The following MYH6 variants were observed in gnomAD, a reference collection of about 807,000 sequenced individuals.
MYH6 encodes myosin-6.
A neutral mutation model predicts 223.2 loss-of-function variants in MYH6; 126 were observed. The ratio of observed to expected loss-of-function variants is 0.56; its 90% CI spans 0.49 to 0.65. The LOEUF (loss-of-function observed/expected upper bound fraction) is 0.65. Ranked by LOEUF, MYH6 falls within the 30% of genes least tolerant of loss-of-function variation. MYH6 has a pLI of 0.00. For missense variants in MYH6, 2,040 were observed against 2,536.4 expected, an observed-to-expected ratio of 0.80 and a Z score of 4.20; for synonymous variants, 978 against 1,010.2, an observed-to-expected ratio of 0.97 and a Z score of 0.61.
chr14:23,388,875 C>T lies in MYH6; in HGVS notation c.4159G>A (p.Glu1387Lys), dbSNP rs1303860344. 1.2e-6 allele frequency: 2 copies of T among 1,613,814 alleles called. No individual in the cohort carries two copies. Among genetic ancestry groups the T allele is most frequent in the South Asian group, 1.1e-5 (1 of 91,056 alleles). Reference sequence around the variant, plus strand: ...GGAGCTCACTTGGCCTCTTCGAGCTCCTCAGTCCGCTGAATGGCGTCCGTC... The same window carrying T: ...GGAGCTCACTTGGCCTCTTCGAGCTTCTCAGTCCGCTGAATGGCGTCCGTC... ...YETDAIQRTE[E>K]LEEAKKKLAQ... The change falls in exon 29 of 39, where the codon GAG (glutamate) becomes AAG (lysine). Residue 1387 changes from glutamate (E) to lysine (K), a missense_variant. By Grantham distance (56) the Glu-to-Lys change is moderately conservative. This residue lies in a region of MYH6 where 1,203 missense variants were observed against 1,400.2 expected (regional missense o/e 0.86). Coordinates refer to ENST00000405093, the MANE Select transcript of MYH6 (RefSeq NM_002471.4).
At chr14:23,404,170 C>T in intron 8 of MYH6, 126 bp downstream of exon 8, 1 of 1,192,494 alleles carries the variant, frequency 8.4e-7, no homozygotes, top group African/African-American at 1.5e-5. Context: ...GCTCTCTTCC[C>T]ACCAACGTGT....
chr14:23,394,524 G>C (rs111487600), intron 20 of MYH6, among the ~76,000 whole-genome samples: 1,554 of 152,200 alleles, frequency 0.01, 24 homozygotes, highest in African/African-American at 0.036. Flanking sequence ...CTCCCAGCTG[G>C]GATATTAGTG....
intron 32 of MYH6, 135 bp downstream of exon 32, chr14:23,387,394 A>C: frequency 7.2e-7 from 1 of 1,398,328 alleles, no homozygotes; most frequent in Non-Finnish European, 9.9e-7. Context: ...GGTAGTGAAT[A>C]GTGGGTAGAT....
Position 23,389,044 on chromosome 14 carries a change from G to A in MYH6, c.3990C>T (p.Ala1330=), listed in dbSNP as rs377302327. 2 of 1,589,518 alleles carry A rather than the reference G, an allele frequency of 1.3e-6. No homozygotes were observed. Among genetic ancestry groups the A allele is most frequent in the African/African-American group, 3.0e-5 (2 of 66,940 alleles). Reference sequence around the variant, plus strand: ...GGGCCGACTGCAGTGCATGGGCCAGGGCGTTCTTCGCCTGGGGAGGGGGGG... The same window carrying A: ...GGGCCGACTGCAGTGCATGGGCCAGAGCGTTCTTCGCCTGGGGAGGGGGGG... ...QLEEEGKAKN[A]LAHALQSARH... The change falls in exon 29 of 39, where the codon GCC becomes GCT. Residue 1330 remains alanine (A), a synonymous_variant. Coordinates refer to ENST00000405093, the MANE Select transcript of MYH6 (RefSeq NM_002471.4).
chr14:23,406,338 C>A (rs988785680), intron 3 of MYH6, among the ~76,000 whole-genome samples: 3 of 152,148 alleles, frequency 2.0e-5, no homozygotes, highest in African/African-American at 7.2e-5. Context: ...TGGAGAAATC[C>A]GTGGCTCTAA....
At chr14:23,399,565 C>T (rs1198604169) in intron 14 of MYH6, 2 of 207,928 alleles carry the variant, frequency 9.6e-6, no homozygotes, top group Non-Finnish European at 2.0e-5. Flanking sequence ...CACACACACA[C>T]GTACACACAC....
At chr14:23,383,384 C>T in intron 36 of MYH6, 64 bp from the exon 37 acceptor site, 1 of 1,289,014 alleles carries the variant, frequency 7.8e-7, no homozygotes, top group Non-Finnish European at 1.1e-6. Flanking sequence ...CCTTTCCCTC[C>T]TCCATCATTT....
intron 8 of MYH6, 110 bp downstream of exon 8, chr14:23,404,186 T>G: frequency 7.6e-7 from 1 of 1,309,294 alleles, no homozygotes; most frequent in Non-Finnish European, 1.1e-6. Context: ...CGTGTGCATG[T>G]TGATATCCCA....
At chr14:23,387,496 AGGGAT>A in intron 32 of MYH6, 28 bp downstream of exon 32, 1 of 1,610,906 alleles carries the variant, frequency 6.2e-7, no homozygotes. Flanking sequence ...GCGGCAGAAC[AGGGAT>A]GGGGTGCAGG....
At chr14:23,388,631 C>G (rs1030462961) in intron 29 of MYH6, 1 of 862,150 alleles carries the variant, frequency 1.2e-6, no homozygotes, top group Non-Finnish European at 2.0e-6. Context: ...TATACGTGAG[C>G]ATCAGGTATA....
intron 25 of MYH6, 46 bp from the exon 26 acceptor site, chr14:23,390,492 A>T (rs962701742): frequency 6.2e-7 from 1 of 1,601,334 alleles, no homozygotes; most frequent in Admixed American, 1.7e-5. Context: ...GGACCCCTCC[A>T]CTGGAATCCC....
Position 23,407,500 on chromosome 14 carries a change from G to T in MYH6, c.-14+76C>A. ...TTGGCGCTGAGTGCTTGGGACAGCA[G>T]ACCCCTGGTCCAGCAATCCGGCTCC... On this transcript the variant is annotated intron_variant, in intron 2 of 38. Coordinates refer to ENST00000405093, the MANE Select transcript of MYH6 (RefSeq NM_002471.4). This position sits in a 1 kb window ranked among gnomAD's most constrained non-coding sequence, Gnocchi z 5.6. The T allele has an allele frequency of 7.5e-7, 1 of 1,325,280 alleles. No homozygotes were observed. Among genetic ancestry groups the T allele is most frequent in the Non-Finnish European group, 9.8e-7 (1 of 1,023,532 alleles). The allele number at this position is 1,325,280 out of a possible 1,614,324, so 82.1% of individuals were successfully genotyped here.
Position 23,385,015 on chromosome 14 carries a change from C to G in MYH6, c.5190G>C (p.Lys1730Asn). The change falls in exon 35 of 39, where the codon AAG becomes AAC. Residue 1730 changes from lysine to asparagine, a missense_variant. By Grantham distance (94) the Lys-to-Asn change is moderately conservative (BLOSUM62 0). This residue lies in a region of MYH6 where 1,203 missense variants were observed against 1,400.2 expected (regional missense o/e 0.86). Coordinates refer to ENST00000405093, the MANE Select transcript of MYH6 (RefSeq NM_002471.4). ...SQNTSLINQK[K>N]KMESDLTQLQ... ...GCTGGGTCAGATCCGACTCCATCTT[C>G]TTCTTCTGGTTGATGAGGCTGGTGT... 1 of 1,614,206 alleles carries G rather than the reference C, an allele frequency of 6.2e-7. No individual in the cohort carries two copies. Among genetic ancestry groups the G allele is most frequent in the Non-Finnish European group, 8.5e-7 (1 of 1,180,042 alleles).
intron 3 of MYH6, among the ~76,000 whole-genome samples, chr14:23,406,382 G>A (rs1467062690): frequency 1.3e-5 from 2 of 152,194 alleles, no homozygotes; most frequent in African/African-American, 2.4e-5. Flanking sequence ...AGTGACTAGC[G>A]GGTGGCAGAG....
chr14:23,393,804 A>C lies in MYH6; in HGVS notation c.2790T>G (p.Asp930Glu). ...KVKEMNERLE[D>E]EEEMNAELTA... ...TGAGCTCCGCGTTCATCTCCTCCTC[A>C]TCCTCCAGCCTCTCATTCATCTCCT... Residue 930 changes from aspartate to glutamate, a missense_variant, in exon 22 of 39, where the codon GAT (aspartate) becomes GAG (glutamate). This residue lies in a region of MYH6 where 1,203 missense variants were observed against 1,400.2 expected (regional missense o/e 0.86). Coordinates refer to ENST00000405093, the MANE Select transcript of MYH6 (RefSeq NM_002471.4). 1.9e-6 allele frequency: 3 copies of C among 1,613,988 alleles called. No individual in the cohort carries two copies. Among genetic ancestry groups the C allele is most frequent in the Non-Finnish European group, 2.5e-6 (3 of 1,179,988 alleles).
intron 25 of MYH6, among the ~76,000 whole-genome samples, chr14:23,390,688 CA>C (rs1891213478): frequency 6.6e-6 from 1 of 152,062 alleles, no homozygotes; most frequent in African/African-American, 2.4e-5. Context: ...CATAGGCCAT[CA>C]ATAGGAATTT....
chr14:23,384,571 C>CT lies in MYH6; in HGVS notation c.5435dup (p.Gln1813AlafsTer15), dbSNP rs1324433778. ...CCCGCGCTTCCAGCTTCTGCAGCTG[C>CT]TTCTTGCCTCCCTTGAGGGCGATCT... On this transcript the variant is annotated frameshift_variant, in exon 36 of 39. Coordinates refer to ENST00000405093, the MANE Select transcript of MYH6 (RefSeq NM_002471.4). LOFTEE classifies it high-confidence loss of function. 1 of 1,613,774 alleles carries CT rather than the reference C, an allele frequency of 6.2e-7. No individual in the cohort carries two copies. Among genetic ancestry groups the CT allele is most frequent in the Non-Finnish European group, 8.5e-7 (1 of 1,180,042 alleles).
At chr14:23,384,383 G>A in intron 36 of MYH6, 59 bp downstream of exon 36, 2 of 1,601,420 alleles carry the variant, frequency 1.2e-6, no homozygotes, top group Non-Finnish European at 1.7e-6. Flanking sequence ...TGAGGGCGGG[G>A]CAGTGGGGCC....
Position 23,389,072 on chromosome 14 carries a change from G to GCCCCC in MYH6, c.3979-18_3979-17insGGGGG. ...GTTCTTCGCCTGGGGAGGGGGGGGG[G>GCCCCC]CACCAGGAGGTGGGAGGGACTCCCT... On this transcript the variant is annotated splice_polypyrimidine_tract_variant and intron_variant, in intron 28 of 38. Transcript: ENST00000405093. 16 of 1,134,992 alleles carry GCCCCC rather than the reference G, an allele frequency of 1.4e-5. No homozygotes were observed. Among genetic ancestry groups the GCCCCC allele is most frequent in the Middle Eastern group, 2.1e-4 (1 of 4,710 alleles). 70.3% of individuals were successfully genotyped at this position (1,134,992 alleles called of 1,614,324 possible).
Sources: gnomAD v4.1 joint callset for allele counts (sites outside exome capture counted in the v4.1 genomes callset) on GRCh38, gnomAD v4.1.1 for gene constraint, gnomAD v4.1.1 regional missense constraint, Gnocchi (gnomAD v3.1) non-coding constraint, MANE v1.5 for transcripts, NCBI Gene and HGNC (gene_info 2026-07-23, HGNC 2026-07-21) for gene names.